Variants in PRKG1 observed in about 807,000 individuals in gnomAD.
The protein encoded by PRKG1 is cGMP-dependent protein kinase 1.
A neutral mutation model predicts 88.1 loss-of-function variants in PRKG1; 35 were observed. The ratio of observed to expected loss-of-function variants is 0.40; its 90% confidence interval spans 0.30 to 0.53. PRKG1 has a LOEUF of 0.53. PRKG1 is among the 20% of genes least tolerant of loss of function. The pLI, the probability that PRKG1 is intolerant of heterozygous loss-of-function variation, is 0.59. For synonymous variants in PRKG1, 303 were observed against 292.5 expected (o/e 1.04, Z -0.37); for missense variants, 540 against 839.8 (o/e 0.64, Z 4.41).
At chr10:52,221,463 A>G (rs368314712) in intron 9 of PRKG1, among the ~76,000 whole-genome samples, 1 of 152,172 alleles carries the variant, frequency 6.6e-6, no homozygotes, top group Non-Finnish European at 1.5e-5. Context: ...ACTACTTAAT[A>G]TGAAAGTTAA....
At chr10:51,795,178 A>C (rs1838977218) in intron 3 of PRKG1, among the ~76,000 whole-genome samples, 1 of 152,118 alleles carries the variant, frequency 6.6e-6, no homozygotes, top group South Asian at 2.1e-4. Flanking sequence ...TTTACAGGTT[A>C]CTTTCTACAA....
chr10:51,976,694 GTACAACTCTTTGAATA>G (rs1024057458), intron 5 of PRKG1, among the ~76,000 whole-genome samples: 2 of 151,904 alleles, frequency 1.3e-5, no homozygotes, highest in African/African-American at 4.8e-5. Flanking sequence ...AGTGATGGTT[GTACAACTCTTTGAATA>G]TACTGAAAAA....
intron 2 of PRKG1, among the ~76,000 whole-genome samples, chr10:51,246,069 G>T (rs189292354): frequency 6.6e-6 from 1 of 152,152 alleles, no homozygotes; most frequent in Admixed American, 6.6e-5. Context: ...AAGCCTCAAA[G>T]GTTTTGAGGA....
At chr10:51,868,004 G>A (rs1299429766) in intron 4 of PRKG1, among the ~76,000 whole-genome samples, 18 of 151,998 alleles carry the variant, frequency 1.2e-4, no homozygotes, top group Admixed American at 3.3e-4. Context: ...CATCACTTAC[G>A]CATGGCCTGT....
At chr10:51,147,911 C>T (rs888724931) in intron 1 of PRKG1, among the ~76,000 whole-genome samples, 3 of 152,082 alleles carry the variant, frequency 2.0e-5, no homozygotes, top group African/African-American at 7.2e-5. Flanking sequence ...AATAACTTTG[C>T]AGGATTAAAT....
chr10:51,436,417 C>T (rs1838932823), intron 2 of PRKG1, among the ~76,000 whole-genome samples: 1 of 151,388 alleles, frequency 6.6e-6, no homozygotes, highest in Admixed American at 6.6e-5. Flanking sequence ...CATCAACATG[C>T]CTTTAAAAGT....
chr10:52,166,808 T>TATATATAC (rs1491216097), intron 9 of PRKG1, among the ~76,000 whole-genome samples: 1 of 1,242 alleles, frequency 8.1e-4, no homozygotes, highest in African/African-American at 9.5e-4. Context: ...CATATATATA[T>TATATATAC]GTATATATAT....
chr10:51,664,620 G>A (rs1477009226), intron 3 of PRKG1, among the ~76,000 whole-genome samples: 1 of 152,100 alleles, frequency 6.6e-6, no homozygotes, highest in East Asian at 1.9e-4. Context: ...CATCTTAGCA[G>A]TCCAGATACT....
chr10:51,372,028 C>A lies in PRKG1; in HGVS notation c.479-95695C>A, dbSNP rs187720108. 1.7e-3 allele frequency among the ~76,000 whole-genome samples: 261 copies of A among 152,208 alleles called. 3 individuals are homozygous for A. Among genetic ancestry groups the A allele is most frequent in the Non-Finnish European group, 1.4e-3 (94 of 68,028 alleles). On this transcript the variant is annotated intron_variant, in intron 2 of 17. Coordinates refer to ENST00000373980, the MANE Select transcript of PRKG1 (RefSeq NM_006258.4). Reference sequence around the variant, plus strand: ...GAAATGGAAGAAAAGTCAAAACCTGCATCATTTCCAGTTTTCTATACGTTT... The same window carrying A: ...GAAATGGAAGAAAAGTCAAAACCTGAATCATTTCCAGTTTTCTATACGTTT...
chr10:51,860,518 T>C (rs539105732), intron 4 of PRKG1, among the ~76,000 whole-genome samples: 4 of 152,150 alleles, frequency 2.6e-5, no homozygotes, highest in African/African-American at 9.6e-5. Context: ...CCAAACAGGG[T>C]GGGGGAGTAC....
At chr10:51,433,878 C>T (rs535035818) in intron 2 of PRKG1, among the ~76,000 whole-genome samples, 2 of 152,214 alleles carry the variant, frequency 1.3e-5, no homozygotes, top group African/African-American at 4.8e-5. Context: ...CTCTATATTG[C>T]TTTATCATTT....
At chr10:52,164,307 C>T (rs547437890) in intron 9 of PRKG1, among the ~76,000 whole-genome samples, 21 of 151,960 alleles carry the variant, frequency 1.4e-4, no homozygotes, top group South Asian at 6.3e-4. Context: ...GCCAAGACCG[C>T]GCCATTACCC....
chr10:51,617,896 A>G (rs989364991), intron 3 of PRKG1, among the ~76,000 whole-genome samples: 6 of 152,230 alleles, frequency 3.9e-5, no homozygotes, highest in Non-Finnish European at 8.8e-5. Flanking sequence ...CTAAAATGTA[A>G]GAGGTTAAAC....
chr10:52,094,548 A>T (rs1343283584), intron 7 of PRKG1, among the ~76,000 whole-genome samples: 1 of 152,148 alleles, frequency 6.6e-6, no homozygotes, highest in Non-Finnish European at 1.5e-5. Flanking sequence ...TTACTATCTT[A>T]GTCTGCTCAA....
At chr10:51,175,078 C>T (rs1239480725) in intron 2 of PRKG1, among the ~76,000 whole-genome samples, 2 of 151,690 alleles carry the variant, frequency 1.3e-5, no homozygotes, top group Non-Finnish European at 2.9e-5. Flanking sequence ...ATTAACTTAT[C>T]AATAATTTTG....
At chr10:51,993,435 G>T (rs1170537186) in intron 5 of PRKG1, among the ~76,000 whole-genome samples, 1 of 152,030 alleles carries the variant, frequency 6.6e-6, no homozygotes, top group Non-Finnish European at 1.5e-5. Flanking sequence ...ATTAATAAAA[G>T]CCCCCACTTA....
chr10:51,453,867 G>T (rs997007868), intron 2 of PRKG1, among the ~76,000 whole-genome samples: 1 of 151,936 alleles, frequency 6.6e-6, no homozygotes, highest in African/African-American at 2.4e-5. Context: ...CATCCAAAAA[G>T]CCCTGGATAT....
intron 7 of PRKG1, among the ~76,000 whole-genome samples, chr10:52,071,145 T>C (rs1846486396): frequency 6.6e-6 from 1 of 152,076 alleles, no homozygotes; most frequent in South Asian, 2.1e-4. Context: ...CTTTATTTAT[T>C]CATATTTTTA....
chr10:52,006,584 A>C (rs1365169665), intron 5 of PRKG1, among the ~76,000 whole-genome samples: 3 of 152,176 alleles, frequency 2.0e-5, no homozygotes, highest in African/African-American at 4.8e-5. Context: ...ATGAAGAAAA[A>C]AGAATGAAAA....
Sources: allele counts gnomAD v4.1 joint callset (sites outside exome capture counted in the v4.1 genomes callset), GRCh38; gene constraint gnomAD v4.1.1; transcripts MANE v1.5; gene names NCBI Gene and HGNC (gene_info 2026-07-23, HGNC 2026-07-21).